The following TRPM2 variants were observed in gnomAD, a reference collection of about 807,000 sequenced individuals.
TRPM2 encodes transient receptor potential cation channel subfamily M member 2.
TRPM2 carries 161 observed loss-of-function variants against 174.0 expected under a neutral mutation model. That is an observed-to-expected ratio of 0.93 (90% CI 0.81 to 1.05). The LOEUF is 1.05. Ranked by LOEUF, TRPM2 falls within the 50% of genes least tolerant of loss-of-function variation. The probability of loss-of-function intolerance (pLI) is 0.00; values close to 1 mark genes in which losing one functional copy is unlikely to be tolerated. For synonymous variants in TRPM2, 954 were observed against 861.3 expected (o/e 1.11, Z -1.88); for missense variants, 2,057 against 2,038.0 (o/e 1.01, Z -0.18).
In TRPM2 at chr21:44,376,207, G is replaced by A. The variant is rs1306055640; in HGVS notation, c.952+194G>A. Among the ~76,000 whole-genome samples the A allele has an allele frequency of 2.6e-5, 4 of 152,182 alleles. No homozygotes were observed. Among genetic ancestry groups the A allele is most frequent in the African/African-American group, 9.7e-5 (4 of 41,432 alleles). Reference sequence around the variant, plus strand: ...ACTCGGCAGAGAGCGCGGTGAGCTGGTCAGACTGTCAGGTACAGCTGGTCA... The same window carrying A: ...ACTCGGCAGAGAGCGCGGTGAGCTGATCAGACTGTCAGGTACAGCTGGTCA... On this transcript the variant is annotated intron_variant, in intron 6 of 31. Coordinates refer to ENST00000397928, the MANE Select transcript of TRPM2 (RefSeq NM_003307.4). This position sits in a 1 kb window ranked among gnomAD's most constrained non-coding sequence, Gnocchi z 4.2.
chr21:44,399,589 C>T lies in TRPM2; in HGVS notation c.2208+148C>T, dbSNP rs1463303809. On this transcript the variant is annotated intron_variant, in intron 14 of 31. Coordinates refer to ENST00000397928, the MANE Select transcript of TRPM2 (RefSeq NM_003307.4). The surrounding 1 kb of genome is among the most constrained non-coding windows in gnomAD (Gnocchi z 4.6). ...GGACAGCGCCTGACCCCTCGGCCACCTGCTCCAGGCTCTGGCCTCCCATTT... is the reference window on the plus strand; with the variant it reads ...GGACAGCGCCTGACCCCTCGGCCACTTGCTCCAGGCTCTGGCCTCCCATTT... 2 of 1,106,656 alleles carry T rather than the reference C, an allele frequency of 1.8e-6. No homozygotes were observed. The highest frequency in any genetic ancestry group is 2.4e-6 in the Non-Finnish European group (2 of 825,102). 68.6% of individuals were successfully genotyped at this position (1,106,656 alleles called of 1,614,324 possible).
chr21:44,387,517 C>T (rs1403037582), intron 9 of TRPM2, among the ~76,000 whole-genome samples: 1 of 151,954 alleles, frequency 6.6e-6, no homozygotes, highest in Non-Finnish European at 1.5e-5. Flanking sequence ...ACACCTAAGG[C>T]ACAGGAAACA....
rs542411061 is a variant in TRPM2, at chr21:44,366,777, G to A, written c.447G>A (p.Thr149=). 2.0e-5 allele frequency: 32 copies of A among 1,613,848 alleles called. No individual in the cohort carries two copies. Among genetic ancestry groups the A allele is most frequent in the South Asian group, 1.5e-4 (14 of 91,066 alleles). The change falls in exon 4 of 32, where the codon ACG becomes ACA. Residue 149 remains threonine (T), a synonymous_variant. Coordinates refer to ENST00000397928, the MANE Select transcript of TRPM2 (RefSeq NM_003307.4). The surrounding 1 kb of genome is among the most constrained non-coding windows in gnomAD (Gnocchi z 6.0). ...AGTACGTCCGAGTCTCCCAGGACAC[G>A]CCCTCCAGCGTGATCTACCACCTCA... The part of the protein sequence containing the change: ...VKKYVRVSQD[T]PSSVIYHLMT...
At chr21:44,403,754 CACATGCATACACATAT>C (rs1238612095) in intron 16 of TRPM2, among the ~76,000 whole-genome samples, 5 of 151,520 alleles carry the variant, frequency 3.3e-5, no homozygotes, top group Non-Finnish European at 7.4e-5. Flanking sequence ...GAGATGCACA[CACATGCATACACATAT>C]ACATGCATGC....
chr21:44,378,905 G>T (rs2048788040), intron 7 of TRPM2, 92 bp from the exon 8 acceptor site: 5 of 1,383,230 alleles, frequency 3.6e-6, no homozygotes, highest in Middle Eastern at 2.5e-4. Context: ...AGCCAGCTCT[G>T]CCCTTAGCTG....
chr21:44,379,191 C>G lies in TRPM2; in HGVS notation c.1209C>G (p.Thr403=). The change falls in exon 8 of 32, where the codon ACC becomes ACG. Residue 403 remains threonine (T), a synonymous_variant. Coordinates refer to ENST00000397928, the MANE Select transcript of TRPM2 (RefSeq NM_003307.4). The part of the protein sequence containing the change: ...TFTESRIVEW[T]KKIQDIVRRR... Reference sequence around the variant, plus strand: ...CGGAAAGCAGGATTGTCGAGTGGACCAAAAAGGTGAGGCTGACGGGCACGA... The same window carrying G: ...CGGAAAGCAGGATTGTCGAGTGGACGAAAAAGGTGAGGCTGACGGGCACGA... 6.2e-7 allele frequency: 1 copy of G among 1,612,704 alleles called. No individual in the cohort carries two copies. The highest frequency in any genetic ancestry group is 1.1e-5 in the South Asian group (1 of 91,082).
At chr21:44,377,182 C>T (rs1365203667) in intron 6 of TRPM2, among the ~76,000 whole-genome samples, 1 of 152,144 alleles carries the variant, frequency 6.6e-6, no homozygotes, top group East Asian at 1.9e-4. Context: ...GAGTTTGCTG[C>T]CTGGGGAAAG....
chr21:44,439,209 C>T lies in TRPM2; in HGVS notation c.4269+41C>T, dbSNP rs1224071801. 3.2e-6 allele frequency: 5 copies of T among 1,567,270 alleles called. No homozygotes were observed. Among genetic ancestry groups the T allele is most frequent in the Non-Finnish European group, 3.5e-6 (4 of 1,139,670 alleles). On this transcript the variant is annotated intron_variant, in intron 30 of 31. Coordinates refer to ENST00000397928, the MANE Select transcript of TRPM2 (RefSeq NM_003307.4). This position sits in a 1 kb window ranked among gnomAD's most constrained non-coding sequence, Gnocchi z 5.1. The stretch of plus-strand genomic sequence containing the variant: ...TTGCTCTGTTCCACCTGTGTGTCCC[C>T]AGGGCTGCAGGACAAACACAGTGTG...
At chr21:44,405,361 A>G in intron 17 of TRPM2, 101 bp downstream of exon 17, 4 of 1,529,292 alleles carry the variant, frequency 2.6e-6, no homozygotes, top group Non-Finnish European at 3.5e-6. Flanking sequence ...GGTGAGGCTC[A>G]GCTCGTCTGT....
Position 44,439,217 on chromosome 21 carries a change from C to T in TRPM2, c.4269+49C>T. 1 of 1,543,316 alleles carries T rather than the reference C, an allele frequency of 6.5e-7. No homozygotes were observed. The highest frequency in any genetic ancestry group is 1.1e-5 in the South Asian group (1 of 89,142). Reference sequence around the variant, plus strand: ...TTCCACCTGTGTGTCCCCAGGGCTGCAGGACAAACACAGTGTGATACTGGG... The same window carrying T: ...TTCCACCTGTGTGTCCCCAGGGCTGTAGGACAAACACAGTGTGATACTGGG... On this transcript the variant is annotated intron_variant, in intron 30 of 31. Transcript: ENST00000397928. The surrounding 1 kb of genome is among the most constrained non-coding windows in gnomAD (Gnocchi z 5.1).
intron 28 of TRPM2, among the ~76,000 whole-genome samples, chr21:44,435,491 A>G (rs2051209450): frequency 1.3e-5 from 2 of 152,076 alleles, no homozygotes; most frequent in East Asian, 3.9e-4. Context: ...GTCCCTGCCC[A>G]TTAGAGGGCA....
chr21:44,356,571 G>C (rs1353255292), intron 2 of TRPM2, among the ~76,000 whole-genome samples: 1 of 145,114 alleles, frequency 6.9e-6, no homozygotes, highest in Non-Finnish European at 1.5e-5. Flanking sequence ...TCGCTCTGTC[G>C]CCCAGGCTGG....
intron 2 of TRPM2, among the ~76,000 whole-genome samples, chr21:44,356,342 C>G (rs1206828772): frequency 1.3e-5 from 2 of 151,260 alleles, no homozygotes; most frequent in Non-Finnish European, 3.0e-5. Context: ...GTACTCCAGC[C>G]TCGGAGCTCA....
rs529703206 is a variant in TRPM2 at position 44,413,956 on chromosome 21, G to A, written c.3028G>A (p.Glu1010Lys). 17 of 1,614,000 alleles carry A rather than the reference G, an allele frequency of 1.1e-5. No individual in the cohort carries two copies. Among genetic ancestry groups the A allele is most frequent in the Middle Eastern group, 1.6e-4 (1 of 6,062 alleles). Residue 1010 changes from glutamate to lysine, a missense_variant, in exon 20 of 32, where the codon GAG (glutamate) becomes AAG (lysine). By Grantham distance (56) the Glu-to-Lys change is moderately conservative (BLOSUM62 1). Coordinates refer to ENST00000397928, the MANE Select transcript of TRPM2 (RefSeq NM_003307.4). ...GTDPYKPKCP[E>K]SDATQQRPAF... ...CGACCCCTACAAGCCTAAGTGCCCC[G>A]AGAGCGACGCGACGCAGCAGAGGCC...
chr21:44,405,841 G>A (rs2049851225), intron 17 of TRPM2, 64 bp from the exon 18 acceptor site: 1 of 1,565,190 alleles, frequency 6.4e-7, no homozygotes, highest in Non-Finnish European at 8.6e-7. Context: ...GGGCGACGGG[G>A]GACAGCTCTG....
In TRPM2 at chr21:44,426,706, A is replaced by C; in HGVS notation, c.3842A>C (p.Lys1281Thr). 6 of 1,614,132 alleles carry C rather than the reference A, an allele frequency of 3.7e-6. No individual in the cohort carries two copies. The highest frequency in any genetic ancestry group is 5.1e-6 in the Non-Finnish European group (6 of 1,180,010). ...CCACCCTTTTACACGGCAGAGAGGA[A>C]GGACGCGGCCGCCATGGACCCCATG... ...YDPPFYTAER[K>T]DAAAMDPMGD... Residue 1281 changes from lysine (K) to threonine (T), a missense_variant, in exon 26 of 32, where the codon AAG becomes ACG. Physicochemically the swap from Lys to Thr is moderately conservative, Grantham distance 78. Coordinates refer to ENST00000397928, the MANE Select transcript of TRPM2 (RefSeq NM_003307.4).
intron 22 of TRPM2, chr21:44,422,417 C>A (rs1601225755): frequency 1.3e-6 from 2 of 1,536,012 alleles, no homozygotes; most frequent in South Asian, 2.4e-5. Flanking sequence ...GAAAACATGG[C>A]AGGTGCGGTT....
At chr21:44,401,919 C>A (rs2049633659) in intron 16 of TRPM2, 22 bp downstream of exon 16, 1 of 1,612,976 alleles carries the variant, frequency 6.2e-7, no homozygotes, top group Non-Finnish European at 8.5e-7. Context: ...CCCGCTTTTC[C>A]ACGCCCCAGC....
intron 5 of TRPM2, among the ~76,000 whole-genome samples, chr21:44,374,126 T>G (rs562096982): frequency 1.3e-5 from 2 of 152,164 alleles, no homozygotes; most frequent in Admixed American, 1.3e-4. Context: ...ATCTCCCACC[T>G]TAGCCTCCCG....
Sources: allele counts gnomAD v4.1 joint callset (sites outside exome capture counted in the v4.1 genomes callset), GRCh38; gene constraint gnomAD v4.1.1; non-coding constraint Gnocchi (gnomAD v3.1); transcripts MANE v1.5; gene names NCBI Gene and HGNC (gene_info 2026-07-23, HGNC 2026-07-21).